PPARGC1A: variants seen among roughly 807,000 people sequenced by gnomAD.
The protein encoded by PPARGC1A is PPARG coactivator 1 alpha.
In PPARGC1A, 25 loss-of-function variants were observed where a neutral mutation model predicts 88.7. That is an observed-to-expected ratio of 0.28 (90% confidence interval 0.21 to 0.39). The LOEUF (loss-of-function observed/expected upper bound fraction) is 0.39, where lower values mean the gene tolerates loss of function less well. Among genes scored for constraint, PPARGC1A ranks in the 10% least tolerant of loss-of-function variants. The pLI is 1.00. For synonymous variants in PPARGC1A, 363 were observed against 355.6 expected (o/e 1.02, Z -0.24); for missense variants, 880 against 968.7 (o/e 0.91, Z 1.22).
At chr4:24,156,524 G>C in the PPARGC1A span, among the ~76,000 whole-genome samples, 1 of 152,070 alleles carries the variant, frequency 6.6e-6, no homozygotes, top group African/African-American at 2.4e-5. Context: ...GAAAATGCTA[G>C]GTGTCCCATT....
At chr4:24,343,453 A>G in the PPARGC1A span, among the ~76,000 whole-genome samples, 1 of 152,186 alleles carries the variant, frequency 6.6e-6, no homozygotes, top group African/African-American at 2.4e-5. Context: ...TCCCATCCAC[A>G]GGACGCAGCA....
At chr4:24,261,144 C>G in the PPARGC1A span, among the ~76,000 whole-genome samples, 1 of 152,190 alleles carries the variant, frequency 6.6e-6, no homozygotes, top group Non-Finnish European at 1.5e-5. Context: ...GGGAGAGTCT[C>G]TGGGTAATAG....
the PPARGC1A span, among the ~76,000 whole-genome samples, chr4:24,077,624 GGTGTGTGTGTGTGTGTGTGT>G: frequency 0.014 from 1,819 of 130,956 alleles, 35 homozygotes; most frequent in African/African-American, 0.047. Flanking sequence ...TGTGTCTAGG[GGTGTGTGTGTGTGTGTGTGT>G]GTGTGTGTGT....
At chr4:24,293,832 T>G in the PPARGC1A span, among the ~76,000 whole-genome samples, 1 of 152,098 alleles carries the variant, frequency 6.6e-6, no homozygotes, top group South Asian at 2.1e-4. Flanking sequence ...ACACCTTCTA[T>G]TTTGAACTTA....
chr4:23,828,274 G>A (rs1047257454), intron 5 of PPARGC1A, 126 bp downstream of exon 5: 2 of 1,000,026 alleles, frequency 2.0e-6, no homozygotes, highest in Admixed American at 4.4e-5. Flanking sequence ...AATAAGTGCT[G>A]AATTCTCTTT....
the PPARGC1A span, among the ~76,000 whole-genome samples, chr4:24,208,473 G>A: frequency 5.3e-4 from 80 of 152,182 alleles, no homozygotes; most frequent in East Asian, 0.015. Flanking sequence ...CACTATGTGT[G>A]ATAGTAAAAC....
the PPARGC1A span, among the ~76,000 whole-genome samples, chr4:24,233,379 T>C: frequency 0.82 from 124,156 of 151,980 alleles, 51,904 homozygotes; most frequent in East Asian, 1. Flanking sequence ...CTCTCTCTTT[T>C]CTCATCTTCC....
At chr4:24,411,174 A>G in the PPARGC1A span, among the ~76,000 whole-genome samples, 1 of 152,164 alleles carries the variant, frequency 6.6e-6, no homozygotes, top group East Asian at 1.9e-4. Flanking sequence ...GATTTACTCA[A>G]GAGCTCTTCC....
At chr4:24,076,723 A>C in the PPARGC1A span, among the ~76,000 whole-genome samples, 1 of 152,084 alleles carries the variant, frequency 6.6e-6, no homozygotes, top group South Asian at 2.1e-4. Context: ...CCATCCCACC[A>C]GGTTGTTGCA....
intron 5 of PPARGC1A, among the ~76,000 whole-genome samples, chr4:23,827,744 A>T (rs1724217456): frequency 6.6e-6 from 1 of 152,226 alleles, no homozygotes; most frequent in Non-Finnish European, 1.5e-5. Flanking sequence ...AAAGAAAACA[A>T]TCAGGATTTT....
the PPARGC1A span, among the ~76,000 whole-genome samples, chr4:24,038,668 T>C: frequency 2.0e-5 from 3 of 152,156 alleles, no homozygotes; most frequent in Non-Finnish European, 4.4e-5. Flanking sequence ...TCATTCTATC[T>C]GGGTTGCTGG....
At chr4:24,263,248 T>C in the PPARGC1A span, among the ~76,000 whole-genome samples, 1 of 152,040 alleles carries the variant, frequency 6.6e-6, no homozygotes, top group Admixed American at 6.5e-5. Context: ...AATAAACAAG[T>C]AAATGTAAAA....
chr4:24,188,975 G>A, the PPARGC1A span, among the ~76,000 whole-genome samples: 5 of 152,110 alleles, frequency 3.3e-5, no homozygotes, highest in Non-Finnish European at 7.3e-5. Context: ...AAAAAGGAAG[G>A]AAATGCTGAC....
At chr4:24,393,247 G>C in the PPARGC1A span, among the ~76,000 whole-genome samples, 1 of 152,194 alleles carries the variant, frequency 6.6e-6, no homozygotes, top group Non-Finnish European at 1.5e-5. Context: ...AACCAAGCTA[G>C]AGATCTGCAG....
At chr4:24,442,646 G>T in the PPARGC1A span, among the ~76,000 whole-genome samples, 3 of 152,204 alleles carry the variant, frequency 2.0e-5, no homozygotes, top group Non-Finnish European at 4.4e-5. Flanking sequence ...GCAAACAAGA[G>T]AGGGGGCTAT....
At chr4:24,381,028 C>T in the PPARGC1A span, among the ~76,000 whole-genome samples, 2 of 150,576 alleles carry the variant, frequency 1.3e-5, no homozygotes, top group South Asian at 4.2e-4. Context: ...GAAGATTGGG[C>T]TAAATGAGGA....
Position 23,812,760 on chromosome 4 carries a change from C to G in PPARGC1A, c.2006G>C (p.Arg669Thr), listed in dbSNP as rs567472727. Residue 669 changes from arginine to threonine, a missense_variant, in exon 10 of 13, where the codon AGG becomes ACG. Physicochemically the swap from Arg to Thr is moderately conservative, Grantham distance 71 (BLOSUM62 -1). Coordinates refer to ENST00000264867, the MANE Select transcript of PPARGC1A (RefSeq NM_013261.5). ...SERAKQRERQ[R>T]QKAIEERRVI... is the part of the protein sequence containing the mutation. ...CAGGCCACTTACAATTGCCTTCTGC[C>G]TCTGCCTCTCCCTTTGCTTGGCCCT... 1.9e-6 allele frequency: 3 copies of G among 1,613,962 alleles called. No homozygotes were observed. The South Asian group carries it at 3.3e-5, about 18-fold the overall frequency.
the PPARGC1A span, among the ~76,000 whole-genome samples, chr4:24,005,815 A>G: frequency 6.6e-6 from 1 of 152,106 alleles, no homozygotes; most frequent in Non-Finnish European, 1.5e-5. Context: ...AGGGAGGAAC[A>G]TGGGGAAGAA....
chr4:23,838,838 C>A (rs932307917), intron 2 of PPARGC1A, among the ~76,000 whole-genome samples: 5 of 152,122 alleles, frequency 3.3e-5, no homozygotes, highest in Admixed American at 2.6e-4. Flanking sequence ...ATATTTAAAA[C>A]AGAATCTAAT....
Sources: allele counts gnomAD v4.1 joint callset (sites outside exome capture counted in the v4.1 genomes callset), GRCh38; gene constraint gnomAD v4.1.1; transcripts MANE v1.5; gene names NCBI Gene and HGNC (gene_info 2026-07-23, HGNC 2026-07-21).